COL8A2: variants seen among roughly 807,000 people sequenced by gnomAD.
The protein encoded by COL8A2 is collagen alpha-2(VIII) chain.
In COL8A2, 16 loss-of-function variants were observed where a neutral mutation model predicts 24.0. That is an observed-to-expected ratio of 0.67 (90% CI 0.45 to 1.01). The LOEUF (loss-of-function observed/expected upper bound fraction) is 1.01. Ranked by LOEUF, COL8A2 falls within the 50% of genes least tolerant of loss-of-function variation. The pLI, the probability that COL8A2 is intolerant of heterozygous loss-of-function variation, is 0.00. For synonymous variants in COL8A2, 466 were observed against 424.5 expected (o/e 1.10, Z -1.20); for missense variants, 818 against 942.4 (o/e 0.87, Z 1.73).
intron 2 of COL8A2, among the ~76,000 whole-genome samples, chr1:36,107,446 A>T (rs1253463469): frequency 6.6e-6 from 1 of 151,842 alleles, no homozygotes; most frequent in Non-Finnish European, 1.5e-5. Flanking sequence ...ACTCTGATGT[A>T]GTGCCATGGA....
chr1:36,098,175 C>T lies in COL8A2; in HGVS notation c.1506G>A (p.Thr502=), dbSNP rs752265909. 46 of 1,517,204 alleles carry T rather than the reference C, an allele frequency of 3.0e-5. No homozygotes were observed. The highest frequency in any genetic ancestry group is 2.3e-4 in the Middle Eastern group (1 of 4,312). 94.0% of individuals were successfully genotyped at this position (1,517,204 alleles called of 1,614,324 possible). ...CCCCTGGGGGCCCCGTGGGCCCAGC[C>T]GTGCCAGGTTCCCCTGCTCTCCCCT... ...PGEGRAGEPG[T]AGPTGPPGVP... is the part of the protein sequence containing the mutation. Residue 502 remains threonine (T), a synonymous_variant, in exon 4 of 4, where the codon ACG becomes ACA. Transcript: ENST00000397799.
At chr1:36,106,878 G>A (rs774583784) in intron 2 of COL8A2, among the ~76,000 whole-genome samples, 2 of 151,906 alleles carry the variant, frequency 1.3e-5, no homozygotes, top group Non-Finnish European at 2.9e-5. Flanking sequence ...CCTGCACTGC[G>A]TTCTGCTCGC....
chr1:36,105,343 GC>G, intron 2 of COL8A2, among the ~76,000 whole-genome samples: 1 of 152,132 alleles, frequency 6.6e-6, no homozygotes, highest in East Asian at 1.9e-4. Flanking sequence ...GGCCTCAAAG[GC>G]CATAGCTCAC....
chr1:36,104,760 A>C (rs920157789), intron 2 of COL8A2, among the ~76,000 whole-genome samples: 2 of 152,180 alleles, frequency 1.3e-5, no homozygotes, highest in Non-Finnish European at 2.9e-5. Flanking sequence ...GCGCCACTGC[A>C]CTCCAGCCTG....
At chr1:36,104,781 C>T (rs1570038079) in intron 2 of COL8A2, among the ~76,000 whole-genome samples, 2 of 151,744 alleles carry the variant, frequency 1.3e-5, no homozygotes, top group Non-Finnish European at 2.9e-5. Context: ...GGTGACAGAG[C>T]GAGACTCCAT....
Position 36,100,036 on chromosome 1 carries a change from G to T in COL8A2, c.193+14C>A. The T allele has an allele frequency of 6.2e-7, 1 of 1,609,536 alleles. No homozygotes were observed. The highest frequency in any genetic ancestry group is 8.5e-7 in the Non-Finnish European group (1 of 1,176,532). ...GGAGCGATTTGAGGCACTGTGGGGT[G>T]AGGAGGCTCTCACCCAGGTACTGGC... is the stretch of plus-strand genomic sequence containing the variant. On this transcript the variant is annotated intron_variant, in intron 3 of 3. Coordinates refer to ENST00000397799, the MANE Select transcript of COL8A2 (RefSeq NM_005202.4).
Position 36,100,237 on chromosome 1 carries a change from C to A in COL8A2, c.6G>T (p.Leu2=). The part of the protein sequence containing the change: M[L]GTLTPLSSLL... ...GCGAAGACAGGGGTGTCAGAGTCCC[C>A]AGCATGGCGTCCGTGGACGTGCTGC... Residue 2 remains leucine (L), a synonymous_variant, in exon 3 of 4, where the codon CTG becomes CTT. Transcript: ENST00000397799. 1 of 1,559,028 alleles carries A rather than the reference C, an allele frequency of 6.4e-7. No individual in the cohort carries two copies. Among genetic ancestry groups the A allele is most frequent in the East Asian group, 2.4e-5 (1 of 41,944 alleles).
rs201487516 is a variant in COL8A2 at position 36,102,664 on chromosome 1, G to GTTTTT, written c.-16-2411_-16-2407dup. On this transcript the variant is annotated intron_variant, in intron 2 of 3. Coordinates refer to ENST00000397799, the MANE Select transcript of COL8A2 (RefSeq NM_005202.4). The stretch of plus-strand genomic sequence containing the variant: ...TGTGTGAATTATATCTATAAAGCTG[G>GTTTTT]TTTTTTGTTTTTTTTTTTTTTTTTT... Among the ~76,000 whole-genome samples, 373 of 94,744 alleles carry GTTTTT rather than the reference G, an allele frequency of 3.9e-3. 31 individuals carry two copies. Among genetic ancestry groups the GTTTTT allele is most frequent in the Non-Finnish European group, 4.6e-3 (235 of 50,676 alleles). The allele number at this position is 94,744 out of a possible 152,430, so 62.2% of individuals were successfully genotyped here. A position where few individuals can be genotyped will look rare whatever the true frequency, so the allele number is the denominator to read the frequency against.
intron 1 of COL8A2, among the ~76,000 whole-genome samples, chr1:36,116,492 C>A (rs1643880323): frequency 6.6e-6 from 1 of 152,200 alleles, no homozygotes; most frequent in Non-Finnish European, 1.5e-5. Flanking sequence ...GGGTCATGGA[C>A]CACAGAAATG....
intron 1 of COL8A2, among the ~76,000 whole-genome samples, chr1:36,120,637 A>T (rs1364003282): frequency 6.6e-6 from 1 of 151,896 alleles, no homozygotes; most frequent in East Asian, 1.9e-4. Flanking sequence ...AATCCCAGCT[A>T]CTCAGGAGGC....
intron 2 of COL8A2, among the ~76,000 whole-genome samples, chr1:36,112,518 T>C (rs143159246): frequency 3.5e-4 from 53 of 152,274 alleles, no homozygotes; most frequent in African/African-American, 1.2e-3. Context: ...GCCTGCTCTA[T>C]TTCTCTCACT....
chr1:36,122,009 C>T (rs1337166723), intron 1 of COL8A2, among the ~76,000 whole-genome samples: 2 of 152,200 alleles, frequency 1.3e-5, no homozygotes, highest in Non-Finnish European at 2.9e-5. Context: ...GAATCCCAGC[C>T]CATCCAGGCT....
intron 2 of COL8A2, among the ~76,000 whole-genome samples, chr1:36,105,160 G>A (rs927268865): frequency 1.3e-5 from 2 of 152,170 alleles, no homozygotes; most frequent in Admixed American, 1.3e-4. Context: ...GAGCTTTGCA[G>A]GAATTAATGC....
chr1:36,102,664 G>GTTTTTTTTTTTTT (rs201487516), intron 2 of COL8A2, among the ~76,000 whole-genome samples: 4 of 94,780 alleles, frequency 4.2e-5, no homozygotes, highest in Admixed American at 1.5e-4. Context: ...TATAAAGCTG[G>GTTTTTTTTTTTTT]TTTTTTGTTT....
At chr1:36,100,308 C>A in intron 2 of COL8A2, 50 bp from the exon 3 acceptor site, 1 of 1,491,174 alleles carries the variant, frequency 6.7e-7, no homozygotes, top group Non-Finnish European at 9.0e-7. Context: ...GGTGGTTTGG[C>A]ACTAGGCCCG....
intron 2 of COL8A2, among the ~76,000 whole-genome samples, chr1:36,106,251 G>C (rs967475831): frequency 6.6e-6 from 1 of 150,636 alleles, no homozygotes; most frequent in Non-Finnish European, 1.5e-5. Context: ...GCGACAGAGA[G>C]AGACTCCGTC....
rs1643624800 is a variant in COL8A2 at position 36,098,935 on chromosome 1, C to T, written c.746G>A (p.Gly249Glu). The T allele has an allele frequency of 1.9e-6, 3 of 1,611,448 alleles. No individual in the cohort carries two copies. Among genetic ancestry groups the T allele is most frequent in the African/African-American group, 2.7e-5 (2 of 74,838 alleles). ...AGGAGGCCCAGACTCACCCTTGTCT[C>T]CTGGGGCCCCAGGAAGCCCATCCAA... ...PGLDGLPGAPGDKGESGPPGV... is the reference protein window; with the variant it reads ...PGLDGLPGAPEDKGESGPPGV... Residue 249 changes from glycine (G) to glutamate (E), a missense_variant, in exon 4 of 4, where the codon GGA becomes GAA. Transcript: ENST00000397799.
At chr1:36,116,195 C>T (rs939448759) in intron 1 of COL8A2, among the ~76,000 whole-genome samples, 2 of 152,174 alleles carry the variant, frequency 1.3e-5, no homozygotes, top group Non-Finnish European at 2.9e-5. Context: ...GCCCCAGTCT[C>T]AGTCTCTCTT....
At chr1:36,109,299 C>T (rs191045306) in intron 2 of COL8A2, among the ~76,000 whole-genome samples, 5 of 152,362 alleles carry the variant, frequency 3.3e-5, no homozygotes, top group East Asian at 3.9e-4. Flanking sequence ...TGCGCTCTTG[C>T]TGGGTCTCTA....
Sources: allele counts gnomAD v4.1 joint callset (sites outside exome capture counted in the v4.1 genomes callset), GRCh38; gene constraint gnomAD v4.1.1; transcripts MANE v1.5; gene names NCBI Gene and HGNC (gene_info 2026-07-23, HGNC 2026-07-21).